IFT57: variants seen among roughly 807,000 people sequenced by gnomAD.
The protein encoded by IFT57 is intraflagellar transport protein 57 homolog.
IFT57 carries 59 observed loss-of-function variants against 56.8 expected under a neutral mutation model. That is an observed-to-expected ratio of 1.04 (90% confidence interval 0.84 to 1.29). IFT57 has a LOEUF of 1.29. Ranked by LOEUF, IFT57 falls within the 50% of genes most tolerant of loss-of-function variation. The pLI, the probability that IFT57 is intolerant of heterozygous loss-of-function variation, is 0.00. For synonymous variants in IFT57, 209 were observed against 186.1 expected (o/e 1.12, Z -1.00); for missense variants, 470 against 522.1 (o/e 0.90, Z 0.97).
At position 108,219,417 on chromosome 3, in the gene IFT57, C is replaced by T. The variant is rs769003981; in HGVS notation, c.368G>A (p.Arg123Gln). Residue 123 changes from arginine to glutamine, a missense_variant, in exon 2 of 11, where the codon CGG (arginine) becomes CAG (glutamine). Transcript: ENST00000264538. Reference protein sequence around the residue: ...ATISNILSELRSFGRTADFPP... With the variant: ...ATISNILSELQSFGRTADFPP... The stretch of plus-strand genomic sequence containing the variant: ...AGGGTCGTTTACACTTACAAATGAC[C>T]GAAGCTCGGATAGTATGTTAGATAT... 9 of 1,612,870 alleles carry T rather than the reference C, an allele frequency of 5.6e-6. No homozygotes were observed. The highest frequency in any genetic ancestry group is 2.7e-5 in the African/African-American group (2 of 74,822).
intron 8 of IFT57, 37 bp downstream of exon 8, chr3:108,166,817 A>G (rs1345200387): frequency 1.9e-6 from 3 of 1,587,946 alleles, no homozygotes; most frequent in Non-Finnish European, 2.6e-6. Context: ...TAGGGTTGTT[A>G]ACTTGAATAA....
chr3:108,219,600 CG>C lies in IFT57; in HGVS notation c.213-29del, dbSNP rs749233089. 4.6e-4 allele frequency: 741 copies of C among 1,605,574 alleles called. 1 individual carries two copies. Among genetic ancestry groups the C allele is most frequent in the Non-Finnish European group, 5.4e-4 (636 of 1,173,262 alleles). On this transcript the variant is annotated intron_variant, in intron 1 of 10. Coordinates refer to ENST00000264538, the MANE Select transcript of IFT57 (RefSeq NM_018010.4). ...GTTTCAAAACAAGGAGGAATGGGGG[CG>C]GATGTGAAATAATGCAAATAAGTCT...
At chr3:108,219,094 T>C (rs1230003241) in intron 2 of IFT57, among the ~76,000 whole-genome samples, 1 of 137,798 alleles carries the variant, frequency 7.3e-6, no homozygotes, top group African/African-American at 2.7e-5. Context: ...TTTCAGAATA[T>C]GAAGTGTTTT....
intron 4 of IFT57, among the ~76,000 whole-genome samples, chr3:108,211,866 A>G (rs1387915723): frequency 2.6e-5 from 4 of 152,236 alleles, no homozygotes. Context: ...TTTTTAACGT[A>G]TTTTACATAG....
At chr3:108,184,908 T>C (rs2080172702) in intron 6 of IFT57, among the ~76,000 whole-genome samples, 1 of 152,172 alleles carries the variant, frequency 6.6e-6, no homozygotes, top group Non-Finnish European at 1.5e-5. Context: ...CCATGGGACC[T>C]ATACAAATGT....
chr3:108,188,320 C>T (rs2080196079), intron 6 of IFT57, among the ~76,000 whole-genome samples: 1 of 152,034 alleles, frequency 6.6e-6, no homozygotes, highest in African/African-American at 2.4e-5. Flanking sequence ...TTTTCTCAAG[C>T]CAGTATATAC....
intron 5 of IFT57, among the ~76,000 whole-genome samples, chr3:108,200,277 A>G (rs147868667): frequency 1.3e-5 from 2 of 152,182 alleles, no homozygotes; most frequent in Non-Finnish European, 2.9e-5. Flanking sequence ...CATTACTGTC[A>G]TATAATCCAG....
intron 5 of IFT57, among the ~76,000 whole-genome samples, chr3:108,203,777 T>C (rs1237804536): frequency 2.6e-5 from 4 of 152,122 alleles, no homozygotes; most frequent in African/African-American, 9.7e-5. Flanking sequence ...TTAATAAATA[T>C]AATGCAATAC....
At chr3:108,215,606 T>C (rs967106486) in intron 3 of IFT57, among the ~76,000 whole-genome samples, 1 of 151,038 alleles carries the variant, frequency 6.6e-6, no homozygotes, top group Non-Finnish European at 1.5e-5. Flanking sequence ...ATATGCAAAA[T>C]ACTATGAACT....
At chr3:108,213,759 T>A (rs986078197) in intron 4 of IFT57, 172 bp downstream of exon 4, 20 of 524,264 alleles carry the variant, frequency 3.8e-5, no homozygotes, top group African/African-American at 2.1e-4. Flanking sequence ...AATACAAACA[T>A]TAACTTAACC....
intron 10 of IFT57, among the ~76,000 whole-genome samples, chr3:108,163,434 T>A (rs113074399): frequency 6.6e-6 from 1 of 152,292 alleles, no homozygotes; most frequent in African/African-American, 2.4e-5. Flanking sequence ...TTTGAATCAA[T>A]AGTTTGAATG....
At chr3:108,215,216 T>A (rs1199429634) in intron 3 of IFT57, among the ~76,000 whole-genome samples, 1 of 152,184 alleles carries the variant, frequency 6.6e-6, no homozygotes, top group Non-Finnish European at 1.5e-5. Context: ...AAAACATATT[T>A]TTTTTCCTTT....
At chr3:108,219,645 G>T in intron 1 of IFT57, 73 bp from the exon 2 acceptor site, 4 of 1,424,706 alleles carry the variant, frequency 2.8e-6, no homozygotes, top group Non-Finnish European at 2.9e-6. Flanking sequence ...TAATAGGGCC[G>T]AATTCACAAT....
intron 6 of IFT57, among the ~76,000 whole-genome samples, chr3:108,170,679 A>AC (rs35605590): frequency 6.6e-6 from 1 of 150,762 alleles, no homozygotes; most frequent in African/African-American, 2.4e-5. Flanking sequence ...AAAAAAAAAA[A>AC]CCCCATACAG....
intron 3 of IFT57, among the ~76,000 whole-genome samples, chr3:108,217,080 T>C (rs1026874308): frequency 1.3e-5 from 2 of 152,110 alleles, no homozygotes; most frequent in African/African-American, 4.8e-5. Context: ...TATTTGAAAA[T>C]AGCTCATAGA....
chr3:108,213,458 T>G (rs1296173), intron 4 of IFT57, among the ~76,000 whole-genome samples: 132,590 of 152,186 alleles, frequency 0.87, 58,885 homozygotes, highest in Non-Finnish European at 0.97. Flanking sequence ...ATGTAAAAAG[T>G]TGTAGATTCT....
At chr3:108,172,921 T>C (rs1163284076) in intron 6 of IFT57, among the ~76,000 whole-genome samples, 2 of 151,886 alleles carry the variant, frequency 1.3e-5, no homozygotes, top group Non-Finnish European at 2.9e-5. Flanking sequence ...TGATGATTTG[T>C]AATTACCTGT....
chr3:108,206,271 T>C (rs2080313609), intron 5 of IFT57, among the ~76,000 whole-genome samples: 1 of 151,104 alleles, frequency 6.6e-6, no homozygotes, highest in Non-Finnish European at 1.5e-5. Flanking sequence ...ACAATTTAAA[T>C]ATTTTCCTAT....
In IFT57 at chr3:108,209,585, G is replaced by A. The variant is rs140487253; in HGVS notation, c.586-2889C>T. Among the ~76,000 whole-genome samples the A allele has an allele frequency of 1.1e-3, 173 of 152,254 alleles. 1 individual carries two copies. The highest frequency in any genetic ancestry group is 4.0e-3 in the African/African-American group (167 of 41,544). On this transcript the variant is annotated intron_variant, in intron 4 of 10. Coordinates refer to ENST00000264538, the MANE Select transcript of IFT57 (RefSeq NM_018010.4). Reference sequence around the variant, plus strand: ...TGTCTATGAGGGTGTTTCTGGATGCGAAAAATAATTGAATCAGTAGACTGA... The same window carrying A: ...TGTCTATGAGGGTGTTTCTGGATGCAAAAAATAATTGAATCAGTAGACTGA...
Sources: allele counts gnomAD v4.1 joint callset (sites outside exome capture counted in the v4.1 genomes callset), GRCh38; gene constraint gnomAD v4.1.1; transcripts MANE v1.5; gene names NCBI Gene and HGNC (gene_info 2026-07-23, HGNC 2026-07-21).